POLQ: variants seen among roughly 807,000 people sequenced by gnomAD.
POLQ encodes epididymis secretory sperm binding protein.
In POLQ, 233 loss-of-function variants were observed where a neutral mutation model predicts 259.2. The observed-to-expected ratio is 0.90, with a 90% CI of 0.81 to 1.00. The LOEUF (loss-of-function observed/expected upper bound fraction) is 1.00, where lower values mean the gene tolerates loss of function less well. Ranked by LOEUF, POLQ falls within the 50% of genes least tolerant of loss-of-function variation. POLQ has a pLI of 0.00. For synonymous variants in POLQ, 1,025 were observed against 1,048.8 expected (o/e 0.98, Z 0.44); for missense variants, 2,871 against 3,051.6 (o/e 0.94, Z 1.39).
intron 25 of POLQ, among the ~76,000 whole-genome samples, chr3:121,459,603 G>T (rs2047774645): frequency 1.3e-5 from 2 of 152,110 alleles, no homozygotes; most frequent in African/African-American, 4.8e-5. Context: ...GGATAGTCTT[G>T]ATCTCCTGAC....
intron 12 of POLQ, among the ~76,000 whole-genome samples, chr3:121,509,190 CA>C (rs1173226867): frequency 9.2e-5 from 14 of 152,276 alleles, no homozygotes; most frequent in African/African-American, 2.4e-4. Flanking sequence ...CAGCATTGGA[CA>C]TGACTTAATG....
At chr3:121,457,164 G>A (rs1014430342) in intron 25 of POLQ, among the ~76,000 whole-genome samples, 1 of 152,152 alleles carries the variant, frequency 6.6e-6, no homozygotes, top group Non-Finnish European at 1.5e-5. Context: ...ATGGTGCTGG[G>A]AAAACTGGCT....
intron 7 of POLQ, among the ~76,000 whole-genome samples, chr3:121,528,000 C>G (rs1490067555): frequency 2.0e-5 from 3 of 152,188 alleles, no homozygotes; most frequent in African/African-American, 7.2e-5. Context: ...AGTAGTAGTA[C>G]AGTATATACC....
At chr3:121,516,404 G>A (rs1416767256) in intron 9 of POLQ, among the ~76,000 whole-genome samples, 1 of 152,070 alleles carries the variant, frequency 6.6e-6, no homozygotes, top group East Asian at 1.9e-4. Flanking sequence ...AGATAAACAA[G>A]CCACTTTGGG....
At chr3:121,451,851 C>T (rs2047680127) in intron 25 of POLQ, among the ~76,000 whole-genome samples, 1 of 152,248 alleles carries the variant, frequency 6.6e-6, no homozygotes, top group Admixed American at 6.5e-5. Context: ...GAGGTTTCTG[C>T]TGCCTTTTGT....
At chr3:121,541,580 G>A in intron 2 of POLQ, 101 bp from the exon 3 acceptor site, 1 of 1,042,112 alleles carries the variant, frequency 9.6e-7, no homozygotes, top group Non-Finnish European at 1.4e-6. Flanking sequence ...AGAGCCTAAG[G>A]CTAACCAATC....
chr3:121,480,291 C>A (rs1346929658), intron 19 of POLQ, among the ~76,000 whole-genome samples: 1 of 151,942 alleles, frequency 6.6e-6, no homozygotes, highest in Non-Finnish European at 1.5e-5. Context: ...GATGAGAATA[C>A]CTCCTGGCTA....
intron 5 of POLQ, among the ~76,000 whole-genome samples, chr3:121,533,647 C>G (rs1347262266): frequency 6.6e-6 from 1 of 152,120 alleles, no homozygotes; most frequent in East Asian, 1.9e-4. Flanking sequence ...TCCCAAGTAG[C>G]TGGGACTATA....
chr3:121,539,661 C>A, intron 3 of POLQ, 72 bp from the exon 4 acceptor site: 1 of 1,132,558 alleles, frequency 8.8e-7, no homozygotes, highest in East Asian at 2.4e-5. Flanking sequence ...GGTTCTATCC[C>A]AGAACATAGA....
Position 121,489,272 on chromosome 3 carries a change from C to G in POLQ, c.3659G>C (p.Cys1220Ser). The G allele has an allele frequency of 6.2e-7, 1 of 1,613,714 alleles. No individual in the cohort carries two copies. The highest frequency in any genetic ancestry group is 1.1e-5 in the South Asian group (1 of 91,030). ...QKNIIERQMP[C>S]EAVSSYINRD... The stretch of plus-strand genomic sequence containing the variant: ...ATTTATGTAACTACTGACTGCTTCA[C>G]AGGGCATTTGTCTCTCTATTATATT... The change falls in exon 16 of 30, where the codon TGT becomes TCT. Residue 1220 changes from cysteine to serine, a missense_variant. Around this residue, in one of 3 missense-constraint regions of POLQ, gnomAD observed 2,080 missense variants for 2,126.0 expected, o/e 0.98. Transcript: ENST00000264233.
chr3:121,489,887 A>G lies in POLQ; in HGVS notation c.3044T>C (p.Val1015Ala). 6.2e-7 allele frequency: 1 copy of G among 1,602,642 alleles called. No homozygotes were observed. The highest frequency in any genetic ancestry group is 8.5e-7 in the Non-Finnish European group (1 of 1,177,346). Reference sequence around the variant, plus strand: ...TGTTTTCTGTGAAAAAGTCTGAACAACTTTCTTATCACTTGTTTTCCCCTC... The same window carrying G: ...TGTTTTCTGTGAAAAAGTCTGAACAGCTTTCTTATCACTTGTTTTCCCCTC... The part of the protein sequence containing the change: ...QNEGKTSDKK[V>A]VQTFSQKTKK... Residue 1015 changes from valine (V) to alanine (A), a missense_variant, in exon 16 of 30, where the codon GTT (valine) becomes GCT (alanine). Around this residue, in one of 3 missense-constraint regions of POLQ, gnomAD observed 2,080 missense variants for 2,126.0 expected, o/e 0.98. Transcript: ENST00000264233.
Position 121,526,073 on chromosome 3 carries a change from A to C in POLQ, c.1108+3572T>G, listed in dbSNP as rs1426236403. Among the ~76,000 whole-genome samples the C allele has an allele frequency of 5.9e-5, 9 of 152,152 alleles. No individual in the cohort carries two copies. In the South Asian group the frequency reaches 6.2e-4, roughly 10 times the overall value. On this transcript the variant is annotated intron_variant, in intron 7 of 29. Transcript: ENST00000264233. ...GTACAGTGCGTAATGAGCTTTAAAC[A>C]TCCTCATGACCCCTTGATCTACAGA...
chr3:121,465,823 G>A (rs1188902194), intron 24 of POLQ, among the ~76,000 whole-genome samples: 1 of 152,118 alleles, frequency 6.6e-6, no homozygotes, highest in Non-Finnish European at 1.5e-5. Flanking sequence ...CCTATTCCCT[G>A]AGATACAATA....
At position 121,476,532 on chromosome 3, in the gene POLQ, G is replaced by T; in HGVS notation, c.6405+8C>A. The T allele has an allele frequency of 1.2e-6, 2 of 1,603,900 alleles. No individual in the cohort carries two copies. The highest frequency in any genetic ancestry group is 1.7e-6 in the Non-Finnish European group (2 of 1,172,356). ...TATGTATCTATATCCCTAGCCCCATGATACAACCTCAGCGATGTCATCTGA... is the reference window on the plus strand; with the variant it reads ...TATGTATCTATATCCCTAGCCCCATTATACAACCTCAGCGATGTCATCTGA... On this transcript the variant is annotated splice_region_variant and intron_variant, in intron 20 of 29. Coordinates refer to ENST00000264233, the MANE Select transcript of POLQ (RefSeq NM_199420.4).
In POLQ at chr3:121,460,166, G is replaced by A. The variant is rs777614615; in HGVS notation, c.7036C>T (p.Arg2346Cys). The change falls in exon 25 of 30, where the codon CGT (arginine) becomes TGT (cysteine). Residue 2346 changes from arginine (R) to cysteine (C), a missense_variant. Transcript: ENST00000264233. ...GTGTTTAACACTTGAATGAGACGAC[G>A]ATCATGGGATAAATGAGCCAAGATC... ...LRILAHLSHD[R>C]RLIQVLNTGA... is the part of the protein sequence containing the mutation. 25 of 1,613,056 alleles carry A rather than the reference G, an allele frequency of 1.5e-5. No homozygotes were observed. The highest frequency in any genetic ancestry group is 1.6e-4 in the Middle Eastern group (1 of 6,062).
At chr3:121,480,075 C>T (rs1021996790) in intron 19 of POLQ, among the ~76,000 whole-genome samples, 4 of 150,242 alleles carry the variant, frequency 2.7e-5, no homozygotes, top group Admixed American at 1.3e-4. Context: ...AGCTGTATAT[C>T]AATAAATTTG....
chr3:121,504,958 T>C (rs1243136878), intron 12 of POLQ, among the ~76,000 whole-genome samples: 1 of 152,154 alleles, frequency 6.6e-6, no homozygotes, highest in Non-Finnish European at 1.5e-5. Context: ...AGTGTAGATT[T>C]ATATAGTATA....
chr3:121,456,230 T>C (rs2047735907), intron 25 of POLQ, among the ~76,000 whole-genome samples: 1 of 152,056 alleles, frequency 6.6e-6, no homozygotes, highest in African/African-American at 2.4e-5. Flanking sequence ...ATGGGACATA[T>C]CTCAAAATAA....
Position 121,496,879 on chromosome 3 carries a change from TC to T in POLQ, c.2206del (p.Glu736LysfsTer2). 6.2e-7 allele frequency: 1 copy of T among 1,613,636 alleles called. No homozygotes were observed. The highest frequency in any genetic ancestry group is 1.7e-4 in the Middle Eastern group (1 of 6,060). On this transcript the variant is annotated frameshift_variant, in exon 14 of 30. Coordinates refer to ENST00000264233, the MANE Select transcript of POLQ (RefSeq NM_199420.4). LOFTEE classifies it high-confidence loss of function. ...ATTGCATCCATATTTCTGATTTATT[TC>T]CCTTAAGGGAACTTCACTGATTAAA... ...LDLISEVPLR[E>X]INQKYGCNRG...
Sources: allele counts gnomAD v4.1 joint callset (sites outside exome capture counted in the v4.1 genomes callset), GRCh38; gene constraint gnomAD v4.1.1; regional missense constraint gnomAD v4.1.1; transcripts MANE v1.5; gene names NCBI Gene and HGNC (gene_info 2026-07-23, HGNC 2026-07-21).